Variants in CCDC148 observed in about 807,000 individuals in gnomAD.
The protein encoded by CCDC148 is coiled-coil domain-containing protein 148.
In CCDC148, 89 loss-of-function variants were observed where a neutral mutation model predicts 85.7. The observed-to-expected ratio is 1.04, with a 90% CI of 0.87 to 1.24. CCDC148 has a LOEUF of 1.24. Among genes scored for constraint, CCDC148 ranks in the 50% most tolerant of loss-of-function variants. The pLI, the probability that CCDC148 is intolerant of heterozygous loss-of-function variation, is 0.00. For synonymous variants in CCDC148, 230 were observed against 213.9 expected (o/e 1.08, Z -0.66); for missense variants, 692 against 671.7 (o/e 1.03, Z -0.33).
intron 1 of CCDC148, among the ~76,000 whole-genome samples, chr2:158,388,500 T>C (rs1685180290): frequency 6.6e-6 from 1 of 152,142 alleles, no homozygotes; most frequent in African/African-American, 2.4e-5. Context: ...ATTTTATCTA[T>C]TTATTTATTT....
chr2:158,421,981 A>C (rs1686815775), intron 1 of CCDC148, among the ~76,000 whole-genome samples: 1 of 152,244 alleles, frequency 6.6e-6, no homozygotes, highest in South Asian at 2.1e-4. Context: ...ATAAACTAGA[A>C]AATCTAGAAG....
chr2:158,179,589 G>T (rs1384931612), intron 11 of CCDC148, among the ~76,000 whole-genome samples: 1 of 152,014 alleles, frequency 6.6e-6, no homozygotes, highest in Non-Finnish European at 1.5e-5. Flanking sequence ...GAGGTGACTG[G>T]CTCACTTTCA....
intron 7 of CCDC148, among the ~76,000 whole-genome samples, chr2:158,315,940 C>T (rs1475343582): frequency 1.3e-5 from 2 of 152,194 alleles, no homozygotes. Flanking sequence ...GGCCAGTCTC[C>T]ACTGACACTT....
intron 10 of CCDC148, among the ~76,000 whole-genome samples, chr2:158,244,742 T>A (rs1420053093): frequency 1.3e-5 from 2 of 152,108 alleles, no homozygotes; most frequent in Admixed American, 1.3e-4. Context: ...TCTGACCCAA[T>A]CGTGGGAGTA....
intron 1 of CCDC148, among the ~76,000 whole-genome samples, chr2:158,387,638 T>A (rs1685145480): frequency 6.6e-6 from 1 of 152,014 alleles, no homozygotes; most frequent in Admixed American, 6.6e-5. Flanking sequence ...TCACTCTGAC[T>A]CCCCATTCTG....
chr2:158,453,225 C>A (rs1447782399), intron 1 of CCDC148, among the ~76,000 whole-genome samples: 3 of 152,166 alleles, frequency 2.0e-5, no homozygotes, highest in Non-Finnish European at 2.9e-5. Flanking sequence ...CAAAAATAAC[C>A]ACACCATTTG....
At chr2:158,311,307 C>CA (rs905339578) in intron 8 of CCDC148, among the ~76,000 whole-genome samples, 8 of 152,278 alleles carry the variant, frequency 5.3e-5, no homozygotes, top group African/African-American at 1.4e-4. Context: ...CCGTCTCCAC[C>CA]AAAAAATACA....
intron 1 of CCDC148, among the ~76,000 whole-genome samples, chr2:158,454,139 A>G (rs1688510083): frequency 1.3e-5 from 2 of 152,328 alleles, no homozygotes; most frequent in East Asian, 3.9e-4. Context: ...AAAGAGCACA[A>G]TCTTCAAAAT....
intron 13 of CCDC148, among the ~76,000 whole-genome samples, chr2:158,173,160 T>C (rs1330482209): frequency 6.6e-6 from 1 of 151,894 alleles, no homozygotes; most frequent in East Asian, 1.9e-4. Flanking sequence ...AGATGAGCAA[T>C]TGAACTACCC....
intron 9 of CCDC148, among the ~76,000 whole-genome samples, chr2:158,261,363 T>C (rs1689215270): frequency 6.6e-6 from 1 of 151,990 alleles, no homozygotes; most frequent in Non-Finnish European, 1.5e-5. Context: ...TATATAAAAA[T>C]CAACTCAAGA....
At position 158,455,677 on chromosome 2, in the gene CCDC148, C is replaced by T. The variant is rs570083799; in HGVS notation, c.25+738G>A. On this transcript the variant is annotated intron_variant, in intron 1 of 13. Transcript: ENST00000283233. ...GAGATTAGTCTAAAAAAAGTAAAAT[C>T]GCCAAAAGAATGTAAGAATATCAGT... Among the ~76,000 whole-genome samples the T allele has an allele frequency of 4.6e-5, 7 of 152,102 alleles. No individual in the cohort carries two copies. The East Asian group carries it at 9.7e-4, about 21-fold the overall frequency.
intron 7 of CCDC148, among the ~76,000 whole-genome samples, chr2:158,328,287 G>C (rs1161677508): frequency 6.6e-6 from 1 of 152,062 alleles, no homozygotes; most frequent in Non-Finnish European, 1.5e-5. Context: ...CCTTGCAATA[G>C]TTTGCTGAGA....
Position 158,391,325 on chromosome 2 carries a change from TG to T in CCDC148, c.26-32756del, listed in dbSNP as rs1685299116. ...ATTTAATTAAAAGGTCAATATTACTTGTGAATTGCCTATATTACTACTCCTA... is the reference window on the plus strand; with the variant it reads ...ATTTAATTAAAAGGTCAATATTACTTTGAATTGCCTATATTACTACTCCTA... On this transcript the variant is annotated intron_variant, in intron 1 of 13. Coordinates refer to ENST00000283233, the MANE Select transcript of CCDC148 (RefSeq NM_138803.4). 2.0e-5 allele frequency among the ~76,000 whole-genome samples: 3 copies of T among 152,310 alleles called. No homozygotes were observed. The South Asian group carries it at 6.2e-4, about 32-fold the overall frequency.
At chr2:158,422,521 C>G (rs961839857) in intron 1 of CCDC148, among the ~76,000 whole-genome samples, 1 of 152,004 alleles carries the variant, frequency 6.6e-6, no homozygotes, top group Admixed American at 6.6e-5. Flanking sequence ...AGGCCTTTGA[C>G]GAAATTCAAC....
chr2:158,293,995 TCCC>T, intron 9 of CCDC148, among the ~76,000 whole-genome samples: 1 of 40,104 alleles, frequency 2.5e-5, no homozygotes, highest in Admixed American at 3.2e-4. Flanking sequence ...CCTCCCTCCC[TCCC>T]TCCCTCCTTC....
At chr2:158,366,252 T>G (rs1684198635) in intron 1 of CCDC148, among the ~76,000 whole-genome samples, 1 of 152,174 alleles carries the variant, frequency 6.6e-6, no homozygotes, top group South Asian at 2.1e-4. Context: ...TAGTGTTTTT[T>G]CTGTGCCTTT....
At chr2:158,269,157 C>G (rs373152626) in intron 9 of CCDC148, among the ~76,000 whole-genome samples, 1 of 152,082 alleles carries the variant, frequency 6.6e-6, no homozygotes, top group East Asian at 1.9e-4. Context: ...TTCATAATGG[C>G]TGTACCAATT....
intron 1 of CCDC148, among the ~76,000 whole-genome samples, chr2:158,373,193 C>T (rs888708417): frequency 4.6e-5 from 7 of 151,944 alleles, no homozygotes; most frequent in Non-Finnish European, 1.5e-5. Flanking sequence ...ATGCTTCTGG[C>T]GTTGAAGAAG....
intron 2 of CCDC148, among the ~76,000 whole-genome samples, chr2:158,354,035 C>A (rs1047170831): frequency 6.6e-6 from 1 of 151,982 alleles, no homozygotes; most frequent in African/African-American, 2.4e-5. Context: ...CCAATGAGAA[C>A]AAAGACACAA....
Sources: allele counts gnomAD v4.1 joint callset (sites outside exome capture counted in the v4.1 genomes callset), GRCh38; gene constraint gnomAD v4.1.1; transcripts MANE v1.5; gene names NCBI Gene and HGNC (gene_info 2026-07-23, HGNC 2026-07-21).